Variants in MAGI2 observed in about 807,000 individuals in gnomAD.
MAGI2 encodes membrane-associated guanylate kinase, WW and PDZ domain-containing protein 2.
In MAGI2, 35 loss-of-function variants were observed where a neutral mutation model predicts 133.3. That is an observed-to-expected ratio of 0.26 (90% CI 0.20 to 0.35). The LOEUF is 0.35. Among genes scored for constraint, MAGI2 ranks in the 10% least tolerant of loss-of-function variants. The pLI is 1.00. For synonymous variants in MAGI2, 729 were observed against 710.6 expected, an observed-to-expected ratio of 1.03 and a Z score of -0.41; for missense variants, 1,636 against 1,863.4, an observed-to-expected ratio of 0.88 and a Z score of 2.25.
chr7:79,011,924 C>CCTTCCTTCCTTCCTTCCTTTCTTT (rs1413880167), intron 1 of MAGI2, among the ~76,000 whole-genome samples: 4 of 121,204 alleles, frequency 3.3e-5, no homozygotes, highest in African/African-American at 1.0e-4. Flanking sequence ...TTCCTTCCTT[C>CCTTCCTTCCTTCCTTCCTTTCTTT]CTTTCTTTCT....
intron 2 of MAGI2, among the ~76,000 whole-genome samples, chr7:78,764,992 G>A (rs2151306972): frequency 6.6e-6 from 1 of 152,350 alleles, no homozygotes; most frequent in Middle Eastern, 3.4e-3. Flanking sequence ...GATGATCAGA[G>A]TGGGAGATTC....
At chr7:79,275,567 A>G (rs1417769363) in intron 1 of MAGI2, among the ~76,000 whole-genome samples, 2 of 152,232 alleles carry the variant, frequency 1.3e-5, no homozygotes, top group Non-Finnish European at 1.5e-5. Flanking sequence ...TGCAGCTACG[A>G]TCATTCATGA....
In MAGI2 at chr7:79,045,501, T is replaced by C. The variant is rs188714248; in HGVS notation, c.302-38295A>G. 1.1e-3 allele frequency among the ~76,000 whole-genome samples: 162 copies of C among 152,314 alleles called. 2 individuals carry two copies. The East Asian group carries it at 0.013, about 12-fold the overall frequency. On this transcript the variant is annotated intron_variant, in intron 1 of 21. Transcript: ENST00000354212. ...ACTAAGTGTATGCTGTTAAGATCTA[T>C]CCAAGTTGTAGAGATGGCAAACAGG...
At position 78,249,722 on chromosome 7, in the gene MAGI2, G is replaced by T. The variant is rs1049715168; in HGVS notation, c.2047+6221C>A. On this transcript the variant is annotated intron_variant, in intron 10 of 21. Coordinates refer to ENST00000354212, the MANE Select transcript of MAGI2 (RefSeq NM_012301.4). ...CTGGGGAGGGTAGTGGGAAGGAGGG[G>T]TAGGGGGAAATTGTACAAAGGATAC... 2.0e-5 allele frequency among the ~76,000 whole-genome samples: 3 copies of T among 152,050 alleles called. No individual in the cohort carries two copies. In the East Asian group the frequency reaches 5.8e-4, roughly 29 times the overall value.
Position 78,019,256 on chromosome 7 carries a change from A to T in MAGI2, c.*59T>A. 1 of 1,560,130 alleles carries T rather than the reference A, an allele frequency of 6.4e-7. No homozygotes were observed. Reference sequence around the variant, plus strand: ...TGAAAATAAATTAAAACGCCGTGAGACGGAACCTAAGAAGAACTGCCTGCG... The same window carrying T: ...TGAAAATAAATTAAAACGCCGTGAGTCGGAACCTAAGAAGAACTGCCTGCG... On this transcript the variant is annotated 3_prime_UTR_variant, in exon 22 of 22. Coordinates refer to ENST00000354212, the MANE Select transcript of MAGI2 (RefSeq NM_012301.4).
chr7:79,274,041 C>T (rs953003239), intron 1 of MAGI2, among the ~76,000 whole-genome samples: 10 of 152,224 alleles, frequency 6.6e-5, no homozygotes, highest in African/African-American at 2.4e-4. Context: ...ACATGAGACT[C>T]ACCACCTGGA....
intron 1 of MAGI2, among the ~76,000 whole-genome samples, chr7:79,282,014 A>T (rs1238771977): frequency 6.6e-6 from 1 of 152,136 alleles, no homozygotes; most frequent in African/African-American, 2.4e-5. Flanking sequence ...ATATTACAGA[A>T]TTTTATAGAA....
chr7:79,302,882 A>G (rs1343650539), intron 1 of MAGI2, among the ~76,000 whole-genome samples: 2 of 152,174 alleles, frequency 1.3e-5, no homozygotes, highest in Admixed American at 1.3e-4. Flanking sequence ...TCCCTGACAA[A>G]ATAGCTTTAT....
rs184782214 is a variant in MAGI2 at position 79,266,125 on chromosome 7, C to T, written c.301+186895G>A. On this transcript the variant is annotated intron_variant, in intron 1 of 21. Transcript: ENST00000354212. ...TCTCCAGAGCTGGAGGATGGAGTGG[C>T]ATGAATAAACGTTGTTGGTCACTGG... 6.0e-3 allele frequency among the ~76,000 whole-genome samples: 915 copies of T among 152,162 alleles called. 7 individuals carry two copies. Among genetic ancestry groups the T allele is most frequent in the African/African-American group, 0.021 (882 of 41,510 alleles).
At chr7:78,429,285 G>A (rs1799568692) in intron 6 of MAGI2, among the ~76,000 whole-genome samples, 1 of 147,558 alleles carries the variant, frequency 6.8e-6, no homozygotes, top group South Asian at 2.1e-4. Context: ...CTGGTCTTTG[G>A]TGCTATGCTT....
At chr7:78,947,213 TAAG>T (rs1332355870) in intron 2 of MAGI2, among the ~76,000 whole-genome samples, 2 of 152,084 alleles carry the variant, frequency 1.3e-5, no homozygotes, top group African/African-American at 4.8e-5. Context: ...GCGTTCACTC[TAAG>T]AACAGGTACC....
At chr7:78,669,463 T>C (rs375308813) in intron 2 of MAGI2, among the ~76,000 whole-genome samples, 33 of 152,216 alleles carry the variant, frequency 2.2e-4, no homozygotes, top group African/African-American at 7.0e-4. Context: ...CAGGACCAGA[T>C]GGATTCACAG....
chr7:78,771,010 T>G (rs1825534329), intron 2 of MAGI2: 1 of 152,206 alleles, frequency 6.6e-6, no homozygotes, highest in African/African-American at 2.4e-5. Flanking sequence ...CTTTGATTTT[T>G]CAACATGGAT....
At chr7:79,415,561 G>A (rs1283782577) in intron 1 of MAGI2, 1 of 152,140 alleles carries the variant, frequency 6.6e-6, no homozygotes. Context: ...CAAGGGCTGA[G>A]AGGAAACTGT....
chr7:79,206,739 C>T (rs1829092735), intron 1 of MAGI2, among the ~76,000 whole-genome samples: 1 of 151,528 alleles, frequency 6.6e-6, no homozygotes, highest in Non-Finnish European at 1.5e-5. Flanking sequence ...ACCCTGACAC[C>T]AAAAGCAGAC....
chr7:79,319,799 T>C (rs1839029236), intron 1 of MAGI2, among the ~76,000 whole-genome samples: 1 of 152,122 alleles, frequency 6.6e-6, no homozygotes, highest in Non-Finnish European at 1.5e-5. Context: ...ACACACACCA[T>C]AAATGGCTTC....
intron 2 of MAGI2, among the ~76,000 whole-genome samples, chr7:78,683,716 A>C (rs1168537766): frequency 6.6e-6 from 1 of 152,044 alleles, no homozygotes; most frequent in Non-Finnish European, 1.5e-5. Flanking sequence ...GGACTATTAT[A>C]ATTCCATATC....
intron 21 of MAGI2, among the ~76,000 whole-genome samples, chr7:78,043,027 T>A (rs1811019566): frequency 6.6e-6 from 1 of 152,354 alleles, no homozygotes; most frequent in African/African-American, 2.4e-5. Context: ...GAGGACAGGT[T>A]CAAGTACACT....
chr7:78,912,763 C>A (rs113477105), intron 2 of MAGI2, among the ~76,000 whole-genome samples: 10,235 of 144,878 alleles, frequency 0.071, 824 homozygotes, highest in East Asian at 0.22. Flanking sequence ...ATATATATAT[C>A]ATTCATATAT....
Sources: allele counts gnomAD v4.1 joint callset (sites outside exome capture counted in the v4.1 genomes callset), GRCh38; gene constraint gnomAD v4.1.1; transcripts MANE v1.5; gene names NCBI Gene and HGNC (gene_info 2026-07-23, HGNC 2026-07-21).